Variants in PACRG observed in about 807,000 individuals in gnomAD.
The protein encoded by PACRG is parkin coregulated.
In PACRG, 29 loss-of-function variants were observed where a neutral mutation model predicts 29.7. The ratio of observed to expected loss-of-function variants is 0.98; its 90% CI spans 0.73 to 1.33. The LOEUF is 1.33. PACRG is among the 40% of genes most tolerant of loss of function. PACRG has a pLI of 0.00. For missense variants in PACRG, 279 were observed against 316.2 expected (o/e 0.88, Z 0.89); for synonymous variants, 116 against 118.7 (o/e 0.98, Z 0.15).
chr6:162,859,922 T>C (rs1276610015), intron 2 of PACRG, among the ~76,000 whole-genome samples: 1 of 152,188 alleles, frequency 6.6e-6, no homozygotes, highest in African/African-American at 2.4e-5. Flanking sequence ...TGCTTTTCTC[T>C]TGTTAATCCG....
chr6:162,986,949 T>A (rs1045219669), intron 2 of PACRG, among the ~76,000 whole-genome samples: 31 of 152,244 alleles, frequency 2.0e-4, no homozygotes, highest in African/African-American at 7.2e-4. Flanking sequence ...TTTTTTAAAG[T>A]TGGCTTTCAA....
At chr6:162,861,497 A>G (rs78930216) in intron 2 of PACRG, among the ~76,000 whole-genome samples, 1 of 152,148 alleles carries the variant, frequency 6.6e-6, no homozygotes, top group Non-Finnish European at 1.5e-5. Flanking sequence ...ATTTCCTTTA[A>G]CTTCCAAAAT....
At chr6:163,190,136 C>G (rs1780138685) in intron 4 of PACRG, 1 of 152,232 alleles carries the variant, frequency 6.6e-6, no homozygotes, top group Non-Finnish European at 1.5e-5. Flanking sequence ...GGACAAACAG[C>G]TCATCCCCAT....
At chr6:163,031,354 A>G (rs1807645434) in intron 2 of PACRG, among the ~76,000 whole-genome samples, 1 of 152,254 alleles carries the variant, frequency 6.6e-6, no homozygotes, top group South Asian at 2.1e-4. Context: ...GCCCAGAATT[A>G]GAACACTGAT....
intron 2 of PACRG, among the ~76,000 whole-genome samples, chr6:162,980,260 G>A (rs1268071445): frequency 1.3e-5 from 2 of 151,984 alleles, no homozygotes; most frequent in African/African-American, 4.8e-5. Context: ...CAGATCTCAT[G>A]TCATTAGGCC....
At chr6:163,204,609 A>G (rs763598) in intron 4 of PACRG, among the ~76,000 whole-genome samples, 111,427 of 152,034 alleles carry the variant, frequency 0.73, 42,089 homozygotes, top group African/African-American at 0.93. Flanking sequence ...AGAAGAGCCC[A>G]TGGTCAGAGC....
At chr6:163,137,851 C>G (rs997902680) in intron 4 of PACRG, among the ~76,000 whole-genome samples, 2 of 152,258 alleles carry the variant, frequency 1.3e-5, no homozygotes, top group Non-Finnish European at 2.9e-5. Flanking sequence ...CTGCCTGGGC[C>G]CTGCAGCTTG....
intron 4 of PACRG, among the ~76,000 whole-genome samples, chr6:163,178,707 G>A (rs777832522): frequency 4.6e-5 from 7 of 152,144 alleles, no homozygotes; most frequent in Non-Finnish European, 1.0e-4. Flanking sequence ...TAATGAAACT[G>A]CTAGGAGAAG....
chr6:163,073,139 T>A (rs1419015221), intron 3 of PACRG, among the ~76,000 whole-genome samples: 2 of 152,114 alleles, frequency 1.3e-5, no homozygotes, highest in African/African-American at 4.8e-5. Context: ...AGACCCAGAA[T>A]TGTCAAAACT....
intron 4 of PACRG, among the ~76,000 whole-genome samples, chr6:163,187,362 G>A (rs1779991294): frequency 1.3e-5 from 2 of 152,100 alleles, no homozygotes; most frequent in African/African-American, 4.8e-5. Flanking sequence ...CAAGTGGCCT[G>A]TGAAAGGCTT....
chr6:162,957,269 T>C (rs1328263228), intron 2 of PACRG: 9 of 529,092 alleles, frequency 1.7e-5, no homozygotes, highest in Non-Finnish European at 3.3e-5. Context: ...GTCAACACTT[T>C]CACAATGATT....
Position 162,875,161 on chromosome 6 carries a change from GCA to G in PACRG, c.291+60887_291+60888del, listed in dbSNP as rs946009166. 2.6e-4 allele frequency among the ~76,000 whole-genome samples: 38 copies of G among 147,136 alleles called. 2 individuals are homozygous for G. In the South Asian group the frequency reaches 7.3e-3, roughly 28 times the overall value. Reference sequence around the variant, plus strand: ...CACACGCAGACATTCACACACAGATGCACACACAGACATTCATACACATTCAC... The same window carrying G: ...CACACGCAGACATTCACACACAGATGCACACAGACATTCATACACATTCAC... On this transcript the variant is annotated intron_variant, in intron 2 of 4. Coordinates refer to ENST00000366888, the MANE Select transcript of PACRG (RefSeq NM_001080379.2).
At chr6:162,735,170 A>T (rs1052392786) in intron 1 of PACRG, among the ~76,000 whole-genome samples, 2 of 152,148 alleles carry the variant, frequency 1.3e-5, no homozygotes, top group Non-Finnish European at 2.9e-5. Context: ...GTGACCTCCA[A>T]TTTAGAACTG....
chr6:162,986,547 T>C (rs768527539), intron 2 of PACRG, among the ~76,000 whole-genome samples: 58 of 152,148 alleles, frequency 3.8e-4, no homozygotes, highest in Non-Finnish European at 4.9e-4. Context: ...TCTCACCTTA[T>C]ACAAAAATCA....
chr6:163,121,787 C>T (rs141474648), intron 4 of PACRG, among the ~76,000 whole-genome samples: 2,988 of 151,596 alleles, frequency 0.02, 117 homozygotes, highest in African/African-American at 0.068. Context: ...CTCAGCCTCC[C>T]GAGTAGCTGG....
At chr6:163,117,497 A>C (rs1816061776) in intron 4 of PACRG, among the ~76,000 whole-genome samples, 1 of 152,188 alleles carries the variant, frequency 6.6e-6, no homozygotes, top group Non-Finnish European at 1.5e-5. Flanking sequence ...CATGCCTGTA[A>C]TCCCAGCACT....
At chr6:162,827,856 G>A (rs1178651109) in intron 2 of PACRG, among the ~76,000 whole-genome samples, 1 of 151,890 alleles carries the variant, frequency 6.6e-6, no homozygotes, top group African/African-American at 2.4e-5. Context: ...TCTCCTAAAA[G>A]TCTTTCCTGA....
chr6:162,857,296 C>T (rs897757149), intron 2 of PACRG, among the ~76,000 whole-genome samples: 2 of 152,150 alleles, frequency 1.3e-5, no homozygotes, highest in Non-Finnish European at 2.9e-5. Flanking sequence ...ATACTTGGGC[C>T]CTCCCGTGTC....
At chr6:163,146,174 G>C (rs1777796778) in intron 4 of PACRG, among the ~76,000 whole-genome samples, 1 of 152,058 alleles carries the variant, frequency 6.6e-6, no homozygotes, top group Admixed American at 6.5e-5. Flanking sequence ...CTTTGTGCAT[G>C]ACACACATTT....
Sources: allele counts gnomAD v4.1 joint callset (sites outside exome capture counted in the v4.1 genomes callset), GRCh38; gene constraint gnomAD v4.1.1; transcripts MANE v1.5; gene names NCBI Gene and HGNC (gene_info 2026-07-23, HGNC 2026-07-21).